The following ZNF782 variants were observed in gnomAD, a reference collection of about 807,000 sequenced individuals.
ZNF782 encodes the protein zinc finger protein 782.
In ZNF782, 12 loss-of-function variants were observed where a neutral mutation model predicts 13.0. The ratio of observed to expected loss-of-function variants is 0.92; its 90% CI spans 0.59 to 1.50. The LOEUF is 1.50. Ranked by LOEUF, ZNF782 falls within the 40% of genes most tolerant of loss-of-function variation. The pLI, the probability that ZNF782 is intolerant of heterozygous loss-of-function variation, is 0.00. For synonymous variants in ZNF782, 284 were observed against 283.0 expected, an observed-to-expected ratio of 1.00 and a Z score of -0.04; for missense variants, 770 against 822.9, an observed-to-expected ratio of 0.94 and a Z score of 0.79.
the ZNF782 span, among the ~76,000 whole-genome samples, chr9:96,921,252 C>T: frequency 6.7e-6 from 1 of 148,974 alleles, no homozygotes; most frequent in Middle Eastern, 3.4e-3. Flanking sequence ...TTATTCTGGC[C>T]GAGTGTGGTG....
the ZNF782 span, chr9:96,918,509 A>G: frequency 1.3e-5 from 2 of 150,536 alleles, no homozygotes; most frequent in African/African-American, 4.9e-5. Flanking sequence ...CATAATATGG[A>G]TGGGCAGAGA....
chr9:96,836,504 A>G (rs913983373), intron 4 of ZNF782, among the ~76,000 whole-genome samples: 2 of 152,054 alleles, frequency 1.3e-5, no homozygotes, highest in African/African-American at 4.8e-5. Context: ...CCTGCCCAAT[A>G]ACTTATTTTT....
chr9:96,820,211 G>C (rs543881880), intron 5 of ZNF782, among the ~76,000 whole-genome samples: 2 of 152,192 alleles, frequency 1.3e-5, no homozygotes, highest in African/African-American at 4.8e-5. Flanking sequence ...AGGGTTTGCC[G>C]TAGGGAGTAA....
At chr9:96,847,243 T>C (rs145599165) in intron 3 of ZNF782, among the ~76,000 whole-genome samples, 5 of 152,160 alleles carry the variant, frequency 3.3e-5, no homozygotes, top group East Asian at 1.9e-4. Context: ...AGAGCACAAA[T>C]TGACAACCTA....
In ZNF782 at chr9:96,850,047, T is replaced by C. The variant is rs1851445561; in HGVS notation, c.15+1900A>G. Among the ~76,000 whole-genome samples the C allele has an allele frequency of 6.6e-6, 1 of 152,220 alleles. No homozygotes were observed. The highest frequency in any genetic ancestry group is 2.4e-5 in the African/African-American group (1 of 41,454). ...GGATGTGAAGAAAAGGGAATGCTTA[T>C]ACGCTGCTGGTAGGAATGTAAATTA... On this transcript the variant is annotated intron_variant, in intron 3 of 5. Coordinates refer to ENST00000481138, the MANE Select transcript of ZNF782 (RefSeq NM_001001662.3). The surrounding 1 kb of genome is among the most constrained non-coding windows in gnomAD (Gnocchi z 4.3).
the ZNF782 span, among the ~76,000 whole-genome samples, chr9:96,916,063 G>A: frequency 6.6e-6 from 1 of 151,870 alleles, no homozygotes; most frequent in Admixed American, 6.6e-5. Flanking sequence ...AAAACATCAC[G>A]AAATGCCAGG....
At chr9:96,873,277 C>T (rs900201664) in intron 1 of ZNF782, among the ~76,000 whole-genome samples, 4 of 152,148 alleles carry the variant, frequency 2.6e-5, no homozygotes, top group African/African-American at 9.7e-5. Context: ...TATCATGAAT[C>T]CCTGTTTATA....
the ZNF782 span, among the ~76,000 whole-genome samples, chr9:96,933,267 C>T: frequency 6.6e-5 from 10 of 151,898 alleles, no homozygotes; most frequent in East Asian, 1.9e-4. Flanking sequence ...CATGACCCAC[C>T]GTGCCCGGCT....
intron 5 of ZNF782, among the ~76,000 whole-genome samples, chr9:96,826,600 C>G (rs1301392312): frequency 4.6e-5 from 7 of 152,112 alleles, no homozygotes; most frequent in Admixed American, 2.0e-4. Context: ...GTTGATTCAG[C>G]AGGCCTGAGA....
chr9:96,909,600 C>T, the ZNF782 span, among the ~76,000 whole-genome samples: 14 of 151,258 alleles, frequency 9.3e-5, no homozygotes, highest in Non-Finnish European at 1.9e-4. Flanking sequence ...CTTCTCCTTT[C>T]CAGGTCTGTT....
At chr9:96,828,958 G>A (rs769660071) in intron 4 of ZNF782, among the ~76,000 whole-genome samples, 1 of 151,744 alleles carries the variant, frequency 6.6e-6, no homozygotes, top group Non-Finnish European at 1.5e-5. Flanking sequence ...GAAGAACAAA[G>A]AGAATTAAAG....
At chr9:96,848,397 T>G (rs147333915) in intron 3 of ZNF782, among the ~76,000 whole-genome samples, 90 of 152,224 alleles carry the variant, frequency 5.9e-4, no homozygotes, top group Admixed American at 3.8e-3. Context: ...GATGATATGA[T>G]CATATACCTA....
At chr9:96,830,198 C>A (rs1424466380) in intron 4 of ZNF782, among the ~76,000 whole-genome samples, 2 of 152,150 alleles carry the variant, frequency 1.3e-5, no homozygotes, top group Non-Finnish European at 2.9e-5. Context: ...CAGCCAAACA[C>A]AAAATAAAAA....
rs1186323292 is a variant in ZNF782, at chr9:96,817,681, AG to A, written c.*241del. The A allele has an allele frequency of 2.6e-6, 1 of 390,124 alleles. No individual in the cohort carries two copies. The highest frequency in any genetic ancestry group is 4.5e-6 in the Non-Finnish European group (1 of 220,742). The allele number at this position is 390,124 out of a possible 1,614,324, so 24.2% of individuals were successfully genotyped here. ...TATTTTCCATATTCATTATGTTTAT[AG>A]GGTTTCTTTGCTGTGTGAGTTCTGT... On this transcript the variant is annotated 3_prime_UTR_variant, in exon 6 of 6. Coordinates refer to ENST00000481138, the MANE Select transcript of ZNF782 (RefSeq NM_001001662.3).
the ZNF782 span, among the ~76,000 whole-genome samples, chr9:96,910,959 T>A: frequency 4.7e-5 from 7 of 149,036 alleles, no homozygotes; most frequent in Non-Finnish European, 7.5e-5. Context: ...AAAAGTACTT[T>A]AAAAAAAGAA....
intron 4 of ZNF782, among the ~76,000 whole-genome samples, chr9:96,836,005 T>G (rs1250354784): frequency 6.6e-6 from 1 of 152,186 alleles, no homozygotes; most frequent in Non-Finnish European, 1.5e-5. Context: ...GCCTTCAGCC[T>G]GTGAGAGCAG....
At chr9:96,877,483 AGAGGGGGCTGCAGC>A (rs1389295658), upstream of ZNF782, among the ~76,000 whole-genome samples, 1 of 152,228 alleles carries the variant, frequency 6.6e-6, no homozygotes. Context: ...GGTACCTGGC[AGAGGGGGCTGCAGC>A]GAGCGCCCTG....
chr9:96,850,485 G>C lies in ZNF782; in HGVS notation c.15+1462C>G, dbSNP rs1158481239. On this transcript the variant is annotated intron_variant, in intron 3 of 5. Transcript: ENST00000481138. This position sits in a 1 kb window ranked among gnomAD's most constrained non-coding sequence, Gnocchi z 4.3. Reference sequence around the variant, plus strand: ...ATACAGAGTGACATAATGGACTTTAGAGACCAAGAAGGGGAGGGTGGGAGG... The same window carrying C: ...ATACAGAGTGACATAATGGACTTTACAGACCAAGAAGGGGAGGGTGGGAGG... Among the ~76,000 whole-genome samples the C allele has an allele frequency of 2.6e-5, 4 of 152,138 alleles. No homozygotes were observed. Among genetic ancestry groups the C allele is most frequent in the Non-Finnish European group, 4.4e-5 (3 of 68,024 alleles).
the ZNF782 span, among the ~76,000 whole-genome samples, chr9:96,911,645 C>T: frequency 2.7e-5 from 4 of 150,556 alleles, no homozygotes; most frequent in African/African-American, 7.3e-5. Context: ...CTCAGCCTCC[C>T]CAGTAGCTGG....
Sources: allele counts gnomAD v4.1 joint callset (sites outside exome capture counted in the v4.1 genomes callset), GRCh38; gene constraint gnomAD v4.1.1; non-coding constraint Gnocchi (gnomAD v3.1); transcripts MANE v1.5; gene names NCBI Gene and HGNC (gene_info 2026-07-23, HGNC 2026-07-21).